Variants in PLAAT1 observed in about 807,000 individuals in gnomAD.
The protein encoded by PLAAT1 is H-REV107 protein-related protein.
Under a neutral mutation model 16.4 loss-of-function variants are expected in PLAAT1, and 13 were observed. The ratio of observed to expected loss-of-function variants is 0.79; its 90% CI spans 0.52 to 1.26. The LOEUF is 1.26. PLAAT1 is among the 50% of genes most tolerant of loss of function. The probability of loss-of-function intolerance (pLI) is 0.00; values close to 1 mark genes in which losing one functional copy is unlikely to be tolerated. For missense variants in PLAAT1, 218 were observed against 207.8 expected, an observed-to-expected ratio of 1.05 and a Z score of -0.30; for synonymous variants, 73 against 78.4, an observed-to-expected ratio of 0.93 and a Z score of 0.36.
downstream of PLAAT1, among the ~76,000 whole-genome samples, chr3:193,278,601 T>C (rs1717332617): frequency 1.3e-5 from 2 of 152,200 alleles, no homozygotes; most frequent in Admixed American, 6.5e-5. Context: ...GGAATATCCC[T>C]ACCTCCTACC....
At chr3:193,277,478 C>A (rs1174293264) in intron 2 of PLAAT1, among the ~76,000 whole-genome samples, 1 of 152,170 alleles carries the variant, frequency 6.6e-6, no homozygotes, top group Non-Finnish European at 1.5e-5. Flanking sequence ...AGACCCCACC[C>A]AAGAGTGGAA....
intron 3 of PLAAT1, among the ~76,000 whole-genome samples, chr3:193,269,723 G>T (rs1244546808): frequency 6.6e-6 from 1 of 152,170 alleles, no homozygotes; most frequent in East Asian, 1.9e-4. Context: ...TGATAATTCT[G>T]AAGTGTCCGA....
At chr3:193,261,261 A>C (rs1366657005) in intron 2 of PLAAT1, among the ~76,000 whole-genome samples, 1 of 151,990 alleles carries the variant, frequency 6.6e-6, no homozygotes, top group African/African-American at 2.4e-5. Flanking sequence ...CTAGCTACTC[A>C]GGAGGCTGAG....
chr3:193,258,268 A>G (rs1199215270), intron 2 of PLAAT1, among the ~76,000 whole-genome samples: 1 of 152,164 alleles, frequency 6.6e-6, no homozygotes, highest in East Asian at 1.9e-4. Flanking sequence ...AATCAATGTT[A>G]AAAGGAAAGT....
intron 2 of PLAAT1, among the ~76,000 whole-genome samples, chr3:193,260,495 T>C (rs78895716): frequency 0.025 from 3,852 of 152,162 alleles, 147 homozygotes; most frequent in African/African-American, 0.081. Context: ...GAATTTAAAT[T>C]AATCAACATG....
chr3:193,240,819 C>T (rs1715691350), upstream of PLAAT1, among the ~76,000 whole-genome samples: 1 of 151,994 alleles, frequency 6.6e-6, no homozygotes, highest in African/African-American at 2.4e-5. Context: ...TCTTGGGGTG[C>T]AGGTACCATG....
At chr3:193,249,664 G>A (rs1345972499) in intron 1 of PLAAT1, among the ~76,000 whole-genome samples, 1 of 152,038 alleles carries the variant, frequency 6.6e-6, no homozygotes, top group African/African-American at 2.4e-5. Context: ...CACTAAGGCT[G>A]TTAGGCTGTT....
chr3:193,264,482 G>T (rs953851275), intron 3 of PLAAT1, among the ~76,000 whole-genome samples: 194 of 149,246 alleles, frequency 1.3e-3, no homozygotes, highest in African/African-American at 4.2e-3. Flanking sequence ...CCATTTTTTT[G>T]TTGTTGTTGT....
chr3:193,246,168 G>A (rs1388757971), intron 1 of PLAAT1, among the ~76,000 whole-genome samples: 27 of 151,982 alleles, frequency 1.8e-4, no homozygotes, highest in Admixed American at 1.6e-3. Flanking sequence ...TTTTACCATC[G>A]AGCATGATGG....
At chr3:193,241,150 G>C, upstream of PLAAT1, 1 of 1,162,352 alleles carries the variant, frequency 8.6e-7, no homozygotes. Context: ...GCGAAGCTGG[G>C]CTCGGGGCCA....
At chr3:193,248,864 C>T (rs1716081187) in intron 1 of PLAAT1, among the ~76,000 whole-genome samples, 1 of 151,988 alleles carries the variant, frequency 6.6e-6, no homozygotes, top group Non-Finnish European at 1.5e-5. Context: ...TACAAGTGTT[C>T]TGTGTTTGAC....
At chr3:193,280,529 T>G (rs1473618388), downstream of PLAAT1, among the ~76,000 whole-genome samples, 20 of 152,332 alleles carry the variant, frequency 1.3e-4, 1 homozygote, top group East Asian at 3.9e-3. Flanking sequence ...GAACTCTGAC[T>G]TGAAAAAGTA....
chr3:193,253,971 A>G (rs1324257991), intron 1 of PLAAT1, among the ~76,000 whole-genome samples: 1 of 152,190 alleles, frequency 6.6e-6, no homozygotes, highest in Non-Finnish European at 1.5e-5. Flanking sequence ...TCTCGGAATC[A>G]TAGCAGGCAG....
intron 1 of PLAAT1, among the ~76,000 whole-genome samples, chr3:193,243,826 CTTG>C (rs1281626132): frequency 6.6e-6 from 1 of 152,232 alleles, no homozygotes; most frequent in African/African-American, 2.4e-5. Context: ...TAGAATCCCA[CTTG>C]TTGGCCTTTT....
intron 2 of PLAAT1, among the ~76,000 whole-genome samples, chr3:193,259,471 G>A (rs1224800566): frequency 6.6e-6 from 1 of 152,144 alleles, no homozygotes; most frequent in Non-Finnish European, 1.5e-5. Context: ...TCTGTACCTA[G>A]AAAGCCCTAC....
Position 193,241,228 on chromosome 3 carries a change from G to T in PLAAT1, c.-306G>T, listed in dbSNP as rs941646134. On this transcript the variant is annotated 5_prime_UTR_variant, in exon 1 of 4. Coordinates refer to ENST00000264735, the MANE Select transcript of PLAAT1 (RefSeq NM_020386.5). ...GAGCGGGCGGCTCCCCATGGTCAGA[G>T]CCTCGTGCCGGCTCGGCAGCGCCCG... The T allele has an allele frequency of 8.2e-7, 1 of 1,224,552 alleles. No homozygotes were observed. Among genetic ancestry groups the T allele is most frequent in the Non-Finnish European group, 1.0e-6 (1 of 983,406 alleles). The allele number at this position is 1,224,552 out of a possible 1,614,324, so 75.9% of individuals were successfully genotyped here.
chr3:193,265,186 C>T (rs753724501), intron 3 of PLAAT1, among the ~76,000 whole-genome samples: 4 of 152,134 alleles, frequency 2.6e-5, no homozygotes, highest in South Asian at 2.1e-4. Flanking sequence ...CACATGTCCA[C>T]GTGGAAACCT....
downstream of PLAAT1, among the ~76,000 whole-genome samples, chr3:193,271,205 C>A (rs532823782): frequency 2.0e-5 from 3 of 152,158 alleles, no homozygotes; most frequent in African/African-American, 7.2e-5. Flanking sequence ...GGGGAATGCA[C>A]CCTCATCTTC....
intron 1 of PLAAT1, among the ~76,000 whole-genome samples, chr3:193,244,515 G>A (rs763457998): frequency 1.1e-4 from 16 of 151,124 alleles, no homozygotes; most frequent in Non-Finnish European, 2.2e-4. Flanking sequence ...GGGGTACAAC[G>A]TGATGTTTTA....
Sources: allele counts gnomAD v4.1 joint callset (sites outside exome capture counted in the v4.1 genomes callset), GRCh38; gene constraint gnomAD v4.1.1; transcripts MANE v1.5; gene names NCBI Gene and HGNC (gene_info 2026-07-23, HGNC 2026-07-21).